The following SMUG1 variants were observed in gnomAD, a reference collection of about 807,000 sequenced individuals.
SMUG1 encodes the protein single-strand-selective monofunctional uracil-DNA glycosylase 1.
Under a neutral mutation model 23.9 loss-of-function variants are expected in SMUG1, and 13 were observed. The ratio of observed to expected loss-of-function variants is 0.54; its 90% CI spans 0.35 to 0.86. The LOEUF (loss-of-function observed/expected upper bound fraction) is 0.86. SMUG1 is among the 40% of genes least tolerant of loss of function. The pLI is 0.01. For synonymous variants in SMUG1, 133 were observed against 139.8 expected (o/e 0.95, Z 0.34); for missense variants, 313 against 339.5 (o/e 0.92, Z 0.61).
rs1450457536 is a variant in SMUG1 at position 54,183,775 on chromosome 12, T to C, written c.166A>G (p.Asn56Asp). 4.3e-6 allele frequency: 7 copies of C among 1,614,020 alleles called. No homozygotes were observed. Among genetic ancestry groups the C allele is most frequent in the African/African-American group, 1.3e-5 (1 of 74,898 alleles). Residue 56 changes from asparagine to aspartate, a missense_variant, in exon 3 of 4, where the codon AAT becomes GAT. Physicochemically the swap from Asn to Asp is conservative, Grantham distance 23. Coordinates refer to ENST00000682136, the MANE Select transcript of SMUG1 (RefSeq NM_001243787.2). ...QFSEPVGIIYNPVEYAWEPHR... is the reference protein window; with the variant it reads ...QFSEPVGIIYDPVEYAWEPHR... Reference sequence around the variant, plus strand: ...GGCTCCCATGCATACTCCACGGGATTGTAGATGATGCCCACAGGCTCCGAA... The same window carrying C: ...GGCTCCCATGCATACTCCACGGGATCGTAGATGATGCCCACAGGCTCCGAA...
intron 4 of SMUG1, among the ~76,000 whole-genome samples, chr12:54,158,446 A>G (rs1940115117): frequency 6.6e-6 from 1 of 152,144 alleles, no homozygotes; most frequent in South Asian, 2.1e-4. Flanking sequence ...GAAATCTTGT[A>G]GTGGTCCCAT....
At chr12:54,174,786 G>A (rs1360795234) in intron 2 of SMUG1, among the ~76,000 whole-genome samples, 2 of 152,252 alleles carry the variant, frequency 1.3e-5, no homozygotes, top group Non-Finnish European at 2.9e-5. Context: ...TGAATGAGAT[G>A]TAGGGGCAGA....
intron 3 of SMUG1, among the ~76,000 whole-genome samples, chr12:54,171,866 T>G (rs1314722051): frequency 6.6e-6 from 1 of 152,080 alleles, no homozygotes; most frequent in African/African-American, 2.4e-5. Context: ...ATTGCTGTGG[T>G]CACTCGGGCC....
rs1362294574 is a variant in SMUG1, at chr12:54,181,620, T to A, written c.*476A>T. 6.3e-7 allele frequency: 1 copy of A among 1,586,038 alleles called. No individual in the cohort carries two copies. The highest frequency in any genetic ancestry group is 1.1e-5 in the South Asian group (1 of 88,252). On this transcript the variant is annotated 3_prime_UTR_variant, in exon 4 of 4. Transcript: ENST00000682136. ...CCTCCCATAAGAAGTTCACTCTTAA[T>A]TTCATGTCCCATGCTTTGTCTTGGT...
intron 3 of SMUG1, among the ~76,000 whole-genome samples, chr12:54,168,047 G>T (rs1205927132): frequency 6.6e-6 from 1 of 152,206 alleles, no homozygotes; most frequent in Non-Finnish European, 1.5e-5. Flanking sequence ...GCCAATCAGG[G>T]ACATGGAGAT....
At chr12:54,177,318 C>T (rs1940781591), downstream of SMUG1, among the ~76,000 whole-genome samples, 1 of 152,060 alleles carries the variant, frequency 6.6e-6, no homozygotes, top group African/African-American at 2.4e-5. Flanking sequence ...TTTTAAACCT[C>T]CACCGGTTAA....
Position 54,169,510 on chromosome 12 carries a change from T to TA in SMUG1, c.*52+2514dup, listed in dbSNP as rs11289804. Among the ~76,000 whole-genome samples the TA allele has an allele frequency of 1.3e-3, 182 of 140,526 alleles. 2 individuals carry two copies. The East Asian group carries it at 0.03, about 23-fold the overall frequency. The allele number at this position is 140,526 out of a possible 152,430, so 92.2% of individuals were successfully genotyped here. ...CTGTCTGTCAGCAGTGGGTCAGGCT[T>TA]AAAAAAAAAAAAAAAGTGATCTGGG... On this transcript the variant is annotated intron_variant and NMD_transcript_variant, in intron 3 of 4. Coordinates refer to the SMUG1 transcript ENST00000509864.
intron 2 of SMUG1, chr12:54,187,357 T>A (rs1258534453): frequency 6.6e-6 from 1 of 152,234 alleles, no homozygotes; most frequent in Non-Finnish European, 1.5e-5. Flanking sequence ...TCCCTGACTG[T>A]CTCAGTAGTC....
At chr12:54,180,022 A>G (rs1041397770), downstream of SMUG1, among the ~76,000 whole-genome samples, 10 of 151,344 alleles carry the variant, frequency 6.6e-5, no homozygotes, top group East Asian at 1.2e-3. Flanking sequence ...TTTTATATCT[A>G]GAGTTTTACC....
At chr12:54,186,682 T>C (rs1942557194) in intron 2 of SMUG1, among the ~76,000 whole-genome samples, 2 of 152,152 alleles carry the variant, frequency 1.3e-5, no homozygotes, top group Admixed American at 6.5e-5. Context: ...GTGATTCTGA[T>C]GGTTGGTGAA....
At chr12:54,170,373 T>C (rs1940585227) in intron 3 of SMUG1, among the ~76,000 whole-genome samples, 1 of 152,054 alleles carries the variant, frequency 6.6e-6, no homozygotes, top group Admixed American at 6.5e-5. Flanking sequence ...TGAGCAAGCA[T>C]GGCATGAAGT....
rs760798951 is a variant in SMUG1 at position 54,182,384 on chromosome 12, G to C, written c.525C>G (p.Arg175=). Residue 175 remains arginine, a synonymous_variant, in exon 4 of 4, where the codon CGC becomes CGG. Coordinates refer to ENST00000682136, the MANE Select transcript of SMUG1 (RefSeq NM_001243787.2). ...CAGGCAGCTCAGCAGGAGTAAGGTT[G>C]CGCCCGCTGGGAGCCAGGAAAAGCA... ...CPLLFLAPSG[R]NLTPAELPAK... 3.1e-6 allele frequency: 5 copies of C among 1,614,230 alleles called. No individual in the cohort carries two copies. In the South Asian group the frequency reaches 4.4e-5, roughly 14 times the overall value.
chr12:54,168,563 T>G (rs1940543567), intron 3 of SMUG1: 1 of 152,220 alleles, frequency 6.6e-6, no homozygotes, highest in African/African-American at 2.4e-5. Context: ...ATTCATTCAT[T>G]CATTTACCCA....
rs766423531 is a variant in SMUG1, at chr12:54,181,337, A to T, written c.*759T>A. ...GCAGTGCTGTGAATCCTCAACCCAGAGGCAAGAAAACAAGAAGACTATGTA... is the reference window on the plus strand; with the variant it reads ...GCAGTGCTGTGAATCCTCAACCCAGTGGCAAGAAAACAAGAAGACTATGTA... On this transcript the variant is annotated 3_prime_UTR_variant, in exon 4 of 4. Transcript: ENST00000682136. 8.6e-6 allele frequency: 5 copies of T among 578,178 alleles called. No individual in the cohort carries two copies. Among genetic ancestry groups the T allele is most frequent in the Non-Finnish European group, 1.5e-5 (5 of 324,932 alleles). 35.8% of individuals were successfully genotyped at this position (578,178 alleles called of 1,614,324 possible).
rs541389303 is a variant in SMUG1, at chr12:54,168,495, C to T, written c.*53-3017G>A. ...TGTACATTAAAGTTTGAAAGCAATA[C>T]TCTAAAGAACCAGAAATGCCAGACC... On this transcript the variant is annotated intron_variant and NMD_transcript_variant, in intron 3 of 4. Transcript: ENST00000509864. 5 of 152,346 alleles carry T rather than the reference C, an allele frequency of 3.3e-5. No individual in the cohort carries two copies. In the South Asian group the frequency reaches 1.0e-3, roughly 32 times the overall value. The allele number at this position is 152,346 out of a possible 1,614,324, so 9.4% of individuals were successfully genotyped here.
intron 3 of SMUG1, among the ~76,000 whole-genome samples, chr12:54,170,563 T>A (rs1017620212): frequency 6.6e-6 from 1 of 152,064 alleles, no homozygotes; most frequent in Non-Finnish European, 1.5e-5. Flanking sequence ...CTGAGATGTC[T>A]CAGCATTTTT....
At chr12:54,170,568 ATTTT>A (rs565414988) in intron 3 of SMUG1, among the ~76,000 whole-genome samples, 1 of 148,378 alleles carries the variant, frequency 6.7e-6, no homozygotes, top group Non-Finnish European at 1.5e-5. Context: ...ATGTCTCAGC[ATTTT>A]TTTTTTGTAC....
downstream of SMUG1, among the ~76,000 whole-genome samples, chr12:54,177,508 T>C (rs1382769617): frequency 6.6e-6 from 1 of 152,220 alleles, no homozygotes; most frequent in East Asian, 1.9e-4. Flanking sequence ...CCTTAATCAC[T>C]TTGAACTAAA....
In SMUG1 at chr12:54,182,005, T is replaced by C; in HGVS notation, c.*91A>G. On this transcript the variant is annotated 3_prime_UTR_variant, in exon 4 of 4. Transcript: ENST00000682136. ...GCGACCAGGGTGCACAGAAGGACCTTTTGCTCCAGTCCAGGAGATGTGTTG... is the reference window on the plus strand; with the variant it reads ...GCGACCAGGGTGCACAGAAGGACCTCTTGCTCCAGTCCAGGAGATGTGTTG... The C allele has an allele frequency of 1.3e-6, 2 of 1,507,960 alleles. No homozygotes were observed. The highest frequency in any genetic ancestry group is 2.8e-5 in the South Asian group (2 of 72,664). The allele number at this position is 1,507,960 out of a possible 1,614,324, so 93.4% of individuals were successfully genotyped here.
Sources: allele counts gnomAD v4.1 joint callset (sites outside exome capture counted in the v4.1 genomes callset), GRCh38; gene constraint gnomAD v4.1.1; transcripts MANE v1.5; gene names NCBI Gene and HGNC (gene_info 2026-07-23, HGNC 2026-07-21).